Variants in STAT1 observed in about 807,000 individuals in gnomAD.
STAT1 encodes signal transducer and activator of transcription 1-alpha/beta.
Under a neutral mutation model 111.7 loss-of-function variants are expected in STAT1, and 24 were observed. The ratio of observed to expected loss-of-function variants is 0.21; its 90% CI spans 0.16 to 0.30. The LOEUF (loss-of-function observed/expected upper bound fraction) is 0.30. Among genes scored for constraint, STAT1 ranks in the 10% least tolerant of loss-of-function variants. The pLI is 1.00. For synonymous variants in STAT1, 332 were observed against 326.5 expected (o/e 1.02, Z -0.18); for missense variants, 351 against 911.9 (o/e 0.38, Z 7.92).
rs536084489 is a variant in STAT1, at chr2:190,989,050, A to C, written c.1097+565T>G. Among the ~76,000 whole-genome samples, 254 of 152,092 alleles carry C rather than the reference A, an allele frequency of 1.7e-3. 1 individual carries two copies. The highest frequency in any genetic ancestry group is 5.8e-3 in the African/African-American group (242 of 41,488). On this transcript the variant is annotated intron_variant, in intron 12 of 24. Coordinates refer to ENST00000361099, the MANE Select transcript of STAT1 (RefSeq NM_007315.4). The surrounding 1 kb of genome is among the most constrained non-coding windows in gnomAD (Gnocchi z 5.0). ...GCCCATTCCTGGGTTCCCACTGCCC[A>C]GAAGAGACAAGAGTGAATCCCACAG...
In STAT1 at chr2:190,975,708, C is replaced by G; in HGVS notation, c.2135+104G>C. ...ACAAGTTCAGCTGTGATGGCGATAG[C>G]AATTACAATGGAAAAGTAAAATACA... On this transcript the variant is annotated intron_variant, in intron 23 of 24. Coordinates refer to ENST00000361099, the MANE Select transcript of STAT1 (RefSeq NM_007315.4). This position sits in a 1 kb window ranked among gnomAD's most constrained non-coding sequence, Gnocchi z 5.9. The G allele has an allele frequency of 1.5e-5, 23 of 1,558,816 alleles. 1 individual carries two copies. In the South Asian group the frequency reaches 1.9e-4, roughly 13 times the overall value.
In STAT1 at chr2:190,993,157, T is replaced by C; in HGVS notation, c.945-1837A>G. On this transcript the variant is annotated intron_variant, in intron 10 of 24. Coordinates refer to ENST00000361099, the MANE Select transcript of STAT1 (RefSeq NM_007315.4). The surrounding 1 kb of genome is among the most constrained non-coding windows in gnomAD (Gnocchi z 4.1). ...GGGAATCAGCAAATTCCTTGGCTGT[T>C]GTGTAGTCTACTACTTTCTCTGTGG... 1 of 467,666 alleles carries C rather than the reference T, an allele frequency of 2.1e-6. No homozygotes were observed. Among genetic ancestry groups the C allele is most frequent in the South Asian group, 2.0e-5 (1 of 49,750 alleles). 29.0% of individuals were successfully genotyped at this position (467,666 alleles called of 1,614,324 possible).
At position 190,976,292 on chromosome 2, in the gene STAT1, T is replaced by C. The variant is rs1691900113; in HGVS notation, c.2060-405A>G. 6.6e-6 allele frequency among the ~76,000 whole-genome samples: 1 copy of C among 152,204 alleles called. No individual in the cohort carries two copies. Among genetic ancestry groups the C allele is most frequent in the Non-Finnish European group, 1.5e-5 (1 of 68,040 alleles). ...CAAAGTAATTGTCCTAATATTGAGA[T>C]TTCTGATTCTGAAAAACAGCTTTGT... On this transcript the variant is annotated intron_variant, in intron 22 of 24. Coordinates refer to ENST00000361099, the MANE Select transcript of STAT1 (RefSeq NM_007315.4). This position sits in a 1 kb window ranked among gnomAD's most constrained non-coding sequence, Gnocchi z 6.0.
intron 1 of STAT1, 21 bp from the exon 2 acceptor site, chr2:191,013,699 G>C: frequency 7.5e-6 from 3 of 398,776 alleles, no homozygotes; most frequent in Non-Finnish European, 1.3e-5. Context: ...AAGAAAACGT[G>C]ACTGATGGAA....
At chr2:190,972,241 A>G (rs1418956973) in intron 24 of STAT1, among the ~76,000 whole-genome samples, 1 of 152,200 alleles carries the variant, frequency 6.6e-6, no homozygotes, top group Admixed American at 6.5e-5. Context: ...CATACGTAAA[A>G]TGTTTAGTAT....
Position 191,006,866 on chromosome 2 carries a change from C to T in STAT1, c.372+697G>A, listed in dbSNP as rs1401552072. ...GATGCCTTGAATATTTAATAGGTAT[C>T]TTGATGTTGCTCAAAACAAAGCCCT... On this transcript the variant is annotated intron_variant, in intron 5 of 24. Coordinates refer to ENST00000361099, the MANE Select transcript of STAT1 (RefSeq NM_007315.4). This position sits in a 1 kb window ranked among gnomAD's most constrained non-coding sequence, Gnocchi z 4.6. Among the ~76,000 whole-genome samples the T allele has an allele frequency of 6.6e-6, 1 of 152,204 alleles. No individual in the cohort carries two copies. Among genetic ancestry groups the T allele is most frequent in the Non-Finnish European group, 1.5e-5 (1 of 68,030 alleles).
At position 190,999,588 on chromosome 2, in the gene STAT1, T is replaced by A. The variant is rs952017394; in HGVS notation, c.541+38A>T. The A allele has an allele frequency of 2.8e-6, 4 of 1,444,660 alleles. No individual in the cohort carries two copies. Among genetic ancestry groups the A allele is most frequent in the Non-Finnish European group, 3.9e-6 (4 of 1,025,718 alleles). 89.5% of individuals were successfully genotyped at this position (1,444,660 alleles called of 1,614,324 possible). On this transcript the variant is annotated intron_variant, in intron 7 of 24. Transcript: ENST00000361099. This position sits in a 1 kb window ranked among gnomAD's most constrained non-coding sequence, Gnocchi z 4.1. ...GTTATCTAGTGTGAACAGAAAAAAT[T>A]GCAGCCAACGGGCACCACTTCAGTT...
Position 190,979,876 on chromosome 2 carries a change from T to C in STAT1, c.1633-10A>G, listed in dbSNP as rs200571234. The C allele has an allele frequency of 3.9e-5, 61 of 1,567,824 alleles. No individual in the cohort carries two copies. Among genetic ancestry groups the C allele is most frequent in the Non-Finnish European group, 5.1e-5 (58 of 1,138,052 alleles). ...TATCATTTATATTTTCCTGAAAGTA[T>C]ACAAATGCAGACATTATGAACAAAA... is the stretch of plus-strand genomic sequence containing the variant. On this transcript the variant is annotated splice_polypyrimidine_tract_variant and intron_variant, in intron 19 of 24. Coordinates refer to ENST00000361099, the MANE Select transcript of STAT1 (RefSeq NM_007315.4). The surrounding 1 kb of genome is among the most constrained non-coding windows in gnomAD (Gnocchi z 5.8).
rs1694476616 is a variant in STAT1, at chr2:191,003,862, G to C, written c.373-2699C>G. ...TAACAGCTGGGACACTACACCTAGA[G>C]AGAGGGACCAGGCCACTGGAGAATT... On this transcript the variant is annotated intron_variant, in intron 5 of 24. Coordinates refer to ENST00000361099, the MANE Select transcript of STAT1 (RefSeq NM_007315.4). This position sits in a 1 kb window ranked among gnomAD's most constrained non-coding sequence, Gnocchi z 4.0. Among the ~76,000 whole-genome samples, 1 of 152,218 alleles carries C rather than the reference G, an allele frequency of 6.6e-6. No homozygotes were observed. The highest frequency in any genetic ancestry group is 1.5e-5 in the Non-Finnish European group (1 of 68,046).
Position 191,006,224 on chromosome 2 carries a change from C to A in STAT1, c.372+1339G>T, listed in dbSNP as rs182345508. On this transcript the variant is annotated intron_variant, in intron 5 of 24. Coordinates refer to ENST00000361099, the MANE Select transcript of STAT1 (RefSeq NM_007315.4). The surrounding 1 kb of genome is among the most constrained non-coding windows in gnomAD (Gnocchi z 4.6). The stretch of plus-strand genomic sequence containing the variant: ...GGAAGCCCCATATAATCAAAACTGC[C>A]GGCTGAAAATCTCCCAGGTATATGC... Among the ~76,000 whole-genome samples the A allele has an allele frequency of 0.019, 2,943 of 152,300 alleles. 191 individuals carry two copies. Among genetic ancestry groups the A allele is most frequent in the Admixed American group, 0.13 (1,938 of 15,300 alleles).
rs2125053737 is a variant in STAT1 at position 190,993,101 on chromosome 2, C to T, written c.945-1781G>A. ...CACCGTGCCGGGCCTTGTTGCATTC[C>T]TAGCACTAGTTTCCAAAAACAGAAT... On this transcript the variant is annotated intron_variant, in intron 10 of 24. Coordinates refer to ENST00000361099, the MANE Select transcript of STAT1 (RefSeq NM_007315.4). This position sits in a 1 kb window ranked among gnomAD's most constrained non-coding sequence, Gnocchi z 4.1. 3 of 398,446 alleles carry T rather than the reference C, an allele frequency of 7.5e-6. No homozygotes were observed. The highest frequency in any genetic ancestry group is 1.3e-4 in the East Asian group (2 of 15,808). 24.7% of individuals were successfully genotyped at this position (398,446 alleles called of 1,614,324 possible). A position where few individuals can be genotyped will look rare whatever the true frequency, so the allele number is the denominator to read the frequency against.
In STAT1 at chr2:190,978,768, G is replaced by C; in HGVS notation, c.1873+88C>G. ...AGATCTGCAATTTCATGTCCCAAAC[G>C]CACTATCTGTATGAGCTGACTGGCG... On this transcript the variant is annotated intron_variant, in intron 21 of 24. Transcript: ENST00000361099. This position sits in a 1 kb window ranked among gnomAD's most constrained non-coding sequence, Gnocchi z 6.1. The C allele has an allele frequency of 1.3e-6, 2 of 1,533,658 alleles. No homozygotes were observed. The highest frequency in any genetic ancestry group is 1.2e-5 in the South Asian group (1 of 84,964).
At position 190,975,657 on chromosome 2, in the gene STAT1, T is replaced by C. The variant is rs1691850708; in HGVS notation, c.2135+155A>G. ...TTTTTTTTTTAAAGTAGTAAAATGC[T>C]GATAGGCAGTAACACGGGGATCTCA... is the stretch of plus-strand genomic sequence containing the variant. On this transcript the variant is annotated intron_variant, in intron 23 of 24. Transcript: ENST00000361099. The surrounding 1 kb of genome is among the most constrained non-coding windows in gnomAD (Gnocchi z 5.9). 8 of 1,482,108 alleles carry C rather than the reference T, an allele frequency of 5.4e-6. 1 individual carries two copies. In the Admixed American group the frequency reaches 1.2e-4, roughly 23 times the overall value. 91.8% of individuals were successfully genotyped at this position (1,482,108 alleles called of 1,614,324 possible).
rs752771961 is a variant in STAT1, at chr2:190,976,811, C to T, written c.2059+29G>A. ...CCCCTCATCAGGAAAGACTGTGCCA[C>T]GCTGTTACCACCTGCTTGCCCCACT... On this transcript the variant is annotated intron_variant, in intron 22 of 24. Transcript: ENST00000361099. The surrounding 1 kb of genome is among the most constrained non-coding windows in gnomAD (Gnocchi z 6.0). 23 of 1,597,648 alleles carry T rather than the reference C, an allele frequency of 1.4e-5. No homozygotes were observed. The highest frequency in any genetic ancestry group is 8.1e-5 in the African/African-American group (6 of 74,514).
At chr2:190,991,403 AG>A in intron 10 of STAT1, 83 bp from the exon 11 acceptor site, 1 of 1,260,904 alleles carries the variant, frequency 7.9e-7, no homozygotes, top group African/African-American at 1.5e-5. Context: ...GAAAGAAAAA[AG>A]GGGGTTAGAG....
chr2:191,011,866 G>A (rs1284463499), intron 2 of STAT1, among the ~76,000 whole-genome samples: 1 of 152,030 alleles, frequency 6.6e-6, no homozygotes, highest in Non-Finnish European at 1.5e-5. Context: ...GTTCTTTATA[G>A]CAGCATGAGA....
rs1692930219 is a variant in STAT1 at position 190,987,287 on chromosome 2, T to C, written c.1098-219A>G. Among the ~76,000 whole-genome samples, 3 of 152,246 alleles carry C rather than the reference T, an allele frequency of 2.0e-5. No homozygotes were observed. Among genetic ancestry groups the C allele is most frequent in the South Asian group, 4.1e-4 (2 of 4,838 alleles). ...AATGACCTTTGGCAAATAAATGGTC[T>C]GGGCCTTACATTGTTCATTTGCACA... is the stretch of plus-strand genomic sequence containing the variant. On this transcript the variant is annotated intron_variant, in intron 12 of 24. Coordinates refer to ENST00000361099, the MANE Select transcript of STAT1 (RefSeq NM_007315.4). This position sits in a 1 kb window ranked among gnomAD's most constrained non-coding sequence, Gnocchi z 4.0.
chr2:190,992,732 T>C, intron 10 of STAT1: 2 of 1,057,728 alleles, frequency 1.9e-6, no homozygotes, highest in East Asian at 2.9e-5. Context: ...CAGGACCCAT[T>C]AGCTTCTTAA....
In STAT1 at chr2:190,974,943, GA is replaced by G. The variant is rs1691787176; in HGVS notation, c.2136-12del. On this transcript the variant is annotated splice_polypyrimidine_tract_variant and intron_variant, in intron 23 of 24. Coordinates refer to ENST00000361099, the MANE Select transcript of STAT1 (RefSeq NM_007315.4). The surrounding 1 kb of genome is among the most constrained non-coding windows in gnomAD (Gnocchi z 4.8). Reference sequence around the variant, plus strand: ...AGTCTAGAAGGGTGACTAAAATGGGGAAAAAGAAAAGAGCAATGTCAACATC... The same window carrying G: ...AGTCTAGAAGGGTGACTAAAATGGGGAAAAGAAAAGAGCAATGTCAACATC... 4 of 1,603,754 alleles carry G rather than the reference GA, an allele frequency of 2.5e-6. No individual in the cohort carries two copies. Among genetic ancestry groups the G allele is most frequent in the Non-Finnish European group, 3.4e-6 (4 of 1,170,842 alleles).
Sources: gnomAD v4.1 joint callset for allele counts (sites outside exome capture counted in the v4.1 genomes callset) on GRCh38, gnomAD v4.1.1 for gene constraint, Gnocchi (gnomAD v3.1) non-coding constraint, MANE v1.5 for transcripts, NCBI Gene and HGNC (gene_info 2026-07-23, HGNC 2026-07-21) for gene names.